The following DIS3L2 variants were observed in gnomAD, a reference collection of about 807,000 sequenced individuals.
DIS3L2 encodes the protein DIS3 like 3'-5' exoribonuclease 2.
DIS3L2 carries 34 observed loss-of-function variants against 97.5 expected under a neutral mutation model. The ratio of observed to expected loss-of-function variants is 0.35; its 90% confidence interval spans 0.27 to 0.46. DIS3L2 has a LOEUF of 0.46. Among genes scored for constraint, DIS3L2 ranks in the 20% least tolerant of loss-of-function variants. DIS3L2 has a pLI of 1.00. For missense variants in DIS3L2, 1,038 were observed against 1,146.0 expected, an observed-to-expected ratio of 0.91 and a Z score of 1.36; for synonymous variants, 435 against 445.2, an observed-to-expected ratio of 0.98 and a Z score of 0.29.
At chr2:232,077,256 C>A (rs1696219510) in intron 5 of DIS3L2, among the ~76,000 whole-genome samples, 2 of 150,992 alleles carry the variant, frequency 1.3e-5, no homozygotes, top group Admixed American at 1.3e-4. Flanking sequence ...TTACTTTTTC[C>A]TTTCAGCACA....
At chr2:232,256,293 A>T (rs1693559816) in intron 12 of DIS3L2, among the ~76,000 whole-genome samples, 1 of 152,114 alleles carries the variant, frequency 6.6e-6, no homozygotes, top group Non-Finnish European at 1.5e-5. Flanking sequence ...GCTGCCTTTT[A>T]TGTGTAACTG....
At chr2:232,270,845 C>A (rs941608043) in intron 13 of DIS3L2, among the ~76,000 whole-genome samples, 1 of 150,996 alleles carries the variant, frequency 6.6e-6, no homozygotes, top group African/African-American at 2.4e-5. Context: ...CGCACTCGCG[C>A]GCTCTCTTTT....
intron 8 of DIS3L2, among the ~76,000 whole-genome samples, chr2:232,154,810 C>G (rs1016450296): frequency 7.6e-6 from 1 of 131,878 alleles, no homozygotes; most frequent in Admixed American, 7.9e-5. Flanking sequence ...GCCTCGTTGC[C>G]GCCTTGCAGT....
intron 6 of DIS3L2, 29 bp from the exon 7 acceptor site, chr2:232,130,590 C>T: frequency 1.9e-6 from 3 of 1,598,152 alleles, no homozygotes; most frequent in Non-Finnish European, 1.7e-6. Context: ...GTTGATGACT[C>T]CTCTTCTCTC....
chr2:232,332,549 G>C (rs1162657909), intron 16 of DIS3L2, among the ~76,000 whole-genome samples: 2 of 151,038 alleles, frequency 1.3e-5, no homozygotes, highest in Non-Finnish European at 2.9e-5. Flanking sequence ...CTGAAAGCTC[G>C]GGGACTGCAG....
At chr2:232,155,253 A>G (rs1559683392) in intron 8 of DIS3L2, among the ~76,000 whole-genome samples, 1 of 151,988 alleles carries the variant, frequency 6.6e-6, no homozygotes, top group Non-Finnish European at 1.5e-5. Context: ...TAAAGGTCCA[A>G]TAACTGGTAT....
intron 6 of DIS3L2, among the ~76,000 whole-genome samples, chr2:232,119,292 A>G (rs1697821897): frequency 6.6e-6 from 1 of 152,234 alleles, no homozygotes; most frequent in African/African-American, 2.4e-5. Context: ...TATTTTTTGC[A>G]GTTTTAATGG....
chr2:232,102,065 G>A (rs1439033720), intron 6 of DIS3L2, among the ~76,000 whole-genome samples: 1 of 152,166 alleles, frequency 6.6e-6, no homozygotes, highest in African/African-American at 2.4e-5. Context: ...CATTAATTGG[G>A]ATAGTCTGAC....
chr2:232,329,785 T>TCCCGGGGGGGGCCCCCCC, intron 14 of DIS3L2, 28 bp from the exon 15 acceptor site: 25 of 967,114 alleles, frequency 2.6e-5, no homozygotes, highest in Non-Finnish European at 2.3e-5. Flanking sequence ...ACCCCAGCGG[T>TCCCGGGGGGGGCCCCCCC]CCCTCCCATC....
intron 9 of DIS3L2, among the ~76,000 whole-genome samples, chr2:232,182,257 TATTA>T (rs1488550934): frequency 2.0e-5 from 3 of 152,220 alleles, no homozygotes; most frequent in African/African-American, 7.2e-5. Context: ...TTCTTTATGC[TATTA>T]ATTTCTAATT....
At chr2:232,303,963 G>T (rs1191089240) in intron 14 of DIS3L2, among the ~76,000 whole-genome samples, 2 of 152,186 alleles carry the variant, frequency 1.3e-5, no homozygotes, top group Non-Finnish European at 2.9e-5. Flanking sequence ...AGGCACAGCT[G>T]TCGGGTAAAC....
At chr2:232,302,263 G>A (rs1426320898) in intron 14 of DIS3L2, among the ~76,000 whole-genome samples, 2 of 151,868 alleles carry the variant, frequency 1.3e-5, no homozygotes, top group Non-Finnish European at 2.9e-5. Context: ...GGGAGGGATA[G>A]CATTAGGAGA....
At chr2:232,165,452 G>A (rs1165638361) in intron 9 of DIS3L2, among the ~76,000 whole-genome samples, 2 of 152,176 alleles carry the variant, frequency 1.3e-5, no homozygotes, top group Admixed American at 1.3e-4. Context: ...ATGGAGAGTG[G>A]ATTCAGTGGA....
At chr2:232,329,785 T>TCCCCGGGGGGCG in intron 14 of DIS3L2, 28 bp from the exon 15 acceptor site, 2 of 967,144 alleles carry the variant, frequency 2.1e-6, no homozygotes, top group Non-Finnish European at 2.9e-6. Flanking sequence ...ACCCCAGCGG[T>TCCCCGGGGGGCG]CCCTCCCATC....
chr2:231,978,319 T>C (rs1270394972), intron 1 of DIS3L2, among the ~76,000 whole-genome samples: 1 of 152,254 alleles, frequency 6.6e-6, no homozygotes, highest in Non-Finnish European at 1.5e-5. Context: ...TTGTGTTTTC[T>C]TTATACTTGA....
chr2:232,184,745 G>A (rs10084424), intron 9 of DIS3L2, among the ~76,000 whole-genome samples: 10 of 152,184 alleles, frequency 6.6e-5, no homozygotes, highest in Admixed American at 2.0e-4. Context: ...CCTGACATTC[G>A]TATTAGGGCA....
In DIS3L2 at chr2:232,268,505, C is replaced by G. The variant is rs1273785697; in HGVS notation, c.1659+5065C>G. On this transcript the variant is annotated intron_variant, in intron 13 of 20. Coordinates refer to ENST00000325385, the MANE Select transcript of DIS3L2 (RefSeq NM_152383.5). This position sits in a 1 kb window ranked among gnomAD's most constrained non-coding sequence, Gnocchi z 4.1. The stretch of plus-strand genomic sequence containing the variant: ...TTTGTGGGCTGTGCAGTCTCTGTCT[C>G]TGCTACTCAACTCTGCTGTTGTAGT... Among the ~76,000 whole-genome samples the G allele has an allele frequency of 6.6e-6, 1 of 152,168 alleles. No homozygotes were observed.
At chr2:232,086,656 T>TATACAC (rs1559613587) in intron 5 of DIS3L2, among the ~76,000 whole-genome samples, 10 of 53,602 alleles carry the variant, frequency 1.9e-4, no homozygotes, top group Non-Finnish European at 3.5e-4. Context: ...TATATATATA[T>TATACAC]ATATGTGTGT....
At chr2:232,100,164 C>T (rs1464356572) in intron 6 of DIS3L2, among the ~76,000 whole-genome samples, 1 of 150,498 alleles carries the variant, frequency 6.6e-6, no homozygotes, top group African/African-American at 2.4e-5. Flanking sequence ...GCTGGGATTA[C>T]AGGTGCCTGC....
Sources: gnomAD v4.1 joint callset for allele counts (sites outside exome capture counted in the v4.1 genomes callset) on GRCh38, gnomAD v4.1.1 for gene constraint, Gnocchi (gnomAD v3.1) non-coding constraint, MANE v1.5 for transcripts, NCBI Gene and HGNC (gene_info 2026-07-23, HGNC 2026-07-21) for gene names.